Variants in NUP210L observed in about 807,000 individuals in gnomAD.
NUP210L encodes the protein nucleoporin 210 like.
NUP210L carries 74 observed loss-of-function variants against 208.5 expected under a neutral mutation model. That is an observed-to-expected ratio of 0.35 (90% confidence interval 0.29 to 0.43). The LOEUF (loss-of-function observed/expected upper bound fraction) is 0.43. Ranked by LOEUF, NUP210L falls within the 20% of genes least tolerant of loss-of-function variation. The pLI is 1.00. For synonymous variants in NUP210L, 780 were observed against 816.9 expected, an observed-to-expected ratio of 0.95 and a Z score of 0.77; for missense variants, 1,843 against 2,289.4, an observed-to-expected ratio of 0.81 and a Z score of 3.98.
intron 24 of NUP210L, 78 bp from the exon 25 acceptor site, chr1:154,054,485 C>T: frequency 7.2e-7 from 1 of 1,394,348 alleles, no homozygotes; most frequent in Non-Finnish European, 1.0e-6. Flanking sequence ...TTTGTCCAAG[C>T]AACTTGACTT....
intron 17 of NUP210L, among the ~76,000 whole-genome samples, chr1:154,066,183 A>T (rs1374089551): frequency 6.6e-6 from 1 of 152,214 alleles, no homozygotes; most frequent in Non-Finnish European, 1.5e-5. Flanking sequence ...GGAAAGATCT[A>T]AAATTGACAC....
Position 154,057,421 on chromosome 1 carries a change from T to C in NUP210L, c.3108-474A>G, listed in dbSNP as rs542681975. Reference sequence around the variant, plus strand: ...TTTCAAGGGAACGGTGGAAGGCTCCTGAGAGGCAAAAATTTGTTCTAAGGC... The same window carrying C: ...TTTCAAGGGAACGGTGGAAGGCTCCCGAGAGGCAAAAATTTGTTCTAAGGC... On this transcript the variant is annotated intron_variant, in intron 22 of 39. Transcript: ENST00000368559. 2.4e-3 allele frequency among the ~76,000 whole-genome samples: 368 copies of C among 152,194 alleles called. 1 individual carries two copies. The highest frequency in any genetic ancestry group is 2.2e-3 in the Non-Finnish European group (151 of 68,000).
chr1:154,131,430 T>C (rs1646379295), intron 7 of NUP210L, among the ~76,000 whole-genome samples: 1 of 152,196 alleles, frequency 6.6e-6, no homozygotes, highest in African/African-American at 2.4e-5. Context: ...GCCTTCCATC[T>C]GCATTCCAAA....
rs1024364985 is a variant in NUP210L at position 154,090,075 on chromosome 1, T to TA, written c.2188-482dup. Among the ~76,000 whole-genome samples, 647 of 144,892 alleles carry TA rather than the reference T, an allele frequency of 4.5e-3. 6 individuals carry two copies. The highest frequency in any genetic ancestry group is 0.014 in the African/African-American group (573 of 39,606). On this transcript the variant is annotated intron_variant, in intron 15 of 39. Coordinates refer to ENST00000368559, the Ensembl canonical transcript of NUP210L. ...CTGGGCAACAGAATGAGACCCTGTC[T>TA]AAAAAAAAAAAATCTAACTTTGACT... is the stretch of plus-strand genomic sequence containing the variant.
At chr1:154,063,542 A>C (rs1197281977) in intron 17 of NUP210L, among the ~76,000 whole-genome samples, 2 of 152,224 alleles carry the variant, frequency 1.3e-5, no homozygotes, top group African/African-American at 4.8e-5. Context: ...GTGACAGTAT[A>C]GTCAGCAGTC....
intron 16 of NUP210L, 65 bp from the exon 17 acceptor site, chr1:154,070,530 T>C: frequency 7.3e-6 from 8 of 1,093,194 alleles, no homozygotes; most frequent in Non-Finnish European, 1.0e-5. Context: ...GGTAGTAAGA[T>C]ATCTCTAAAG....
intron 14 of NUP210L, among the ~76,000 whole-genome samples, chr1:154,098,486 T>C (rs563937333): frequency 2.6e-5 from 4 of 152,260 alleles, no homozygotes; most frequent in Non-Finnish European, 4.4e-5. Flanking sequence ...AAGAGCTTTA[T>C]TGAGTAACAG....
intron 6 of NUP210L, among the ~76,000 whole-genome samples, chr1:154,137,388 TAAAAATACA>T (rs1375216874): frequency 6.6e-6 from 1 of 151,924 alleles, no homozygotes; most frequent in East Asian, 1.9e-4. Flanking sequence ...CCGTCTCTAC[TAAAAATACA>T]AAAAATTAGC....
At chr1:154,148,000 C>G (rs973088542) in intron 2 of NUP210L, among the ~76,000 whole-genome samples, 8 of 143,960 alleles carry the variant, frequency 5.6e-5, no homozygotes, top group Admixed American at 5.4e-4. Context: ...TGGCTCACAC[C>G]TGTAATCCCA....
chr1:153,995,206 G>A, intron 37 of NUP210L, 26 bp from the exon 38 acceptor site: 1 of 1,508,780 alleles, frequency 6.6e-7, no homozygotes, highest in East Asian at 2.3e-5. Flanking sequence ...AACAAAACAA[G>A]ATAATAGTTA....
At chr1:154,070,175 A>T (rs193005451) in intron 17 of NUP210L, 98 bp downstream of exon 17, 14,412 of 927,334 alleles carry the variant, frequency 0.016, 210 homozygotes, top group Non-Finnish European at 0.018. Context: ...CGTTGTGCAC[A>T]TGTACCCTAG....
At chr1:153,999,938 C>CCT in intron 37 of NUP210L, among the ~76,000 whole-genome samples, 1 of 151,588 alleles carries the variant, frequency 6.6e-6, no homozygotes, top group East Asian at 2.0e-4. Flanking sequence ...AATCCTCCTG[C>CCT]CTCAGCCTCC....
Position 154,070,225 on chromosome 1 carries a change from C to CA in NUP210L, c.2554+47dup, listed in dbSNP as rs569216124. On this transcript the variant is annotated intron_variant, in intron 17 of 39. Coordinates refer to ENST00000368559, the Ensembl canonical transcript of NUP210L. Reference sequence around the variant, plus strand: ...AACAAAACAAAACAAAACAAACAAACAAAAAAACACTCAGGTATATGAAAA... The same window carrying CA: ...AACAAAACAAAACAAAACAAACAAACAAAAAAAACACTCAGGTATATGAAAA... 1.3e-4 allele frequency: 192 copies of CA among 1,426,130 alleles called. No individual in the cohort carries two copies. In the African/African-American group the frequency reaches 2.1e-3, roughly 15 times the overall value. 88.3% of individuals were successfully genotyped at this position (1,426,130 alleles called of 1,614,324 possible). A position where few individuals can be genotyped will look rare whatever the true frequency, so the allele number is the denominator to read the frequency against.
chr1:154,116,277 A>T (rs1657327034), intron 12 of NUP210L, among the ~76,000 whole-genome samples: 1 of 135,682 alleles, frequency 7.4e-6, no homozygotes, highest in African/African-American at 2.7e-5. Context: ...AAAAAAAATT[A>T]GTTGGGTGTG....
intron 10 of NUP210L, among the ~76,000 whole-genome samples, chr1:154,121,892 A>G (rs1379677843): frequency 6.6e-6 from 1 of 152,032 alleles, no homozygotes; most frequent in African/African-American, 2.4e-5. Context: ...GAAACTTTAA[A>G]AAGAAAAGCA....
intron 38 of NUP210L, among the ~76,000 whole-genome samples, chr1:153,994,548 G>A (rs1162977408): frequency 6.6e-6 from 1 of 151,448 alleles, no homozygotes; most frequent in Non-Finnish European, 1.5e-5. Context: ...CTGAACTTAG[G>A]TGACCCACCC....
chr1:154,053,366 C>T (rs890625053), intron 25 of NUP210L, among the ~76,000 whole-genome samples: 1 of 152,180 alleles, frequency 6.6e-6, no homozygotes, highest in Non-Finnish European at 1.5e-5. Context: ...AAGTAGCTCA[C>T]CATGATAAAG....
chr1:154,025,720 G>A lies in NUP210L; in HGVS notation c.3948-4C>T. Reference sequence around the variant, plus strand: ...ACTCACGAAGGCAGCTCCTTCCCTAGGGAACAAGGAAAGGAAGTGGCATCT... The same window carrying A: ...ACTCACGAAGGCAGCTCCTTCCCTAAGGAACAAGGAAAGGAAGTGGCATCT... On this transcript the variant is annotated splice_polypyrimidine_tract_variant and splice_region_variant and intron_variant, in intron 29 of 39. Transcript: ENST00000368559. The A allele has an allele frequency of 6.2e-7, 1 of 1,610,680 alleles. No homozygotes were observed. Among genetic ancestry groups the A allele is most frequent in the Non-Finnish European group, 8.5e-7 (1 of 1,178,094 alleles).
chr1:154,110,129 G>A (rs963699709), intron 12 of NUP210L, among the ~76,000 whole-genome samples: 40 of 150,316 alleles, frequency 2.7e-4, no homozygotes, highest in Non-Finnish European at 2.1e-4. Flanking sequence ...CAGCTACTCA[G>A]GAGGCTGAGG....
Sources: gnomAD v4.1 joint callset for allele counts (sites outside exome capture counted in the v4.1 genomes callset) on GRCh38, gnomAD v4.1.1 for gene constraint, MANE v1.5 for transcripts, NCBI Gene and HGNC (gene_info 2026-07-23, HGNC 2026-07-21) for gene names.